TLL1: variants seen among roughly 807,000 people sequenced by gnomAD.
TLL1 encodes the protein tolloid-like protein 1.
Under a neutral mutation model 128.2 loss-of-function variants are expected in TLL1, and 49 were observed. The observed-to-expected ratio is 0.38, with a 90% CI of 0.30 to 0.48. TLL1 has a LOEUF of 0.48. TLL1 is among the 20% of genes least tolerant of loss of function. The pLI, the probability that TLL1 is intolerant of heterozygous loss-of-function variation, is 0.96. For synonymous variants in TLL1, 454 were observed against 418.8 expected (o/e 1.08, Z -1.03); for missense variants, 1,123 against 1,242.0 (o/e 0.90, Z 1.44).
chr4:166,062,367 ATTTG>A (rs1740357622), intron 15 of TLL1, among the ~76,000 whole-genome samples: 1 of 152,094 alleles, frequency 6.6e-6, no homozygotes, highest in Non-Finnish European at 1.5e-5. Context: ...ATGTTCTTCC[ATTTG>A]TTTGTGTCTT....
rs1742291167 is a variant in TLL1 at position 166,101,615 on chromosome 4, G to T, written c.*739G>T. On this transcript the variant is annotated 3_prime_UTR_variant, in exon 21 of 21. Transcript: ENST00000061240. ...AACGCCCAGTGAATTGGTAAACTTA[G>T]TTCTTTTTTTTGGAAGTGCTGCCTT... 1 of 152,474 alleles carries T rather than the reference G, an allele frequency of 6.6e-6. No homozygotes were observed. Among genetic ancestry groups the T allele is most frequent in the African/African-American group, 2.4e-5 (1 of 41,418 alleles). The allele number at this position is 152,474 out of a possible 1,614,324, so 9.4% of individuals were successfully genotyped here.
chr4:165,982,572 A>T (rs1736196619), intron 1 of TLL1, among the ~76,000 whole-genome samples: 1 of 151,714 alleles, frequency 6.6e-6, no homozygotes, highest in Admixed American at 6.6e-5. Flanking sequence ...GCCAAAAGGG[A>T]AGTCTTTTAC....
At chr4:166,037,675 G>T (rs998525204) in intron 9 of TLL1, among the ~76,000 whole-genome samples, 2 of 151,972 alleles carry the variant, frequency 1.3e-5, no homozygotes, top group African/African-American at 2.4e-5. Flanking sequence ...GGACGTGGTG[G>T]CGGGCACCTG....
At chr4:165,971,254 A>G (rs187867335) in intron 1 of TLL1, among the ~76,000 whole-genome samples, 52 of 152,296 alleles carry the variant, frequency 3.4e-4, no homozygotes, top group African/African-American at 1.1e-3. Flanking sequence ...TTAGCTAGTG[A>G]TATCACCCCC....
intron 16 of TLL1, among the ~76,000 whole-genome samples, chr4:166,067,288 T>A (rs1306857693): frequency 2.0e-5 from 3 of 151,896 alleles, no homozygotes; most frequent in African/African-American, 7.2e-5. Context: ...AAATACTGAC[T>A]ACAAAGTATG....
intron 1 of TLL1, among the ~76,000 whole-genome samples, chr4:165,901,337 T>C (rs968930106): frequency 2.6e-4 from 40 of 152,294 alleles, no homozygotes; most frequent in African/African-American, 9.6e-4. Flanking sequence ...GTTTTGGGAA[T>C]TTTCAACCTT....
chr4:165,912,210 C>T (rs1286609411), intron 1 of TLL1, among the ~76,000 whole-genome samples: 1 of 152,206 alleles, frequency 6.6e-6, no homozygotes, highest in East Asian at 1.9e-4. Context: ...GTTGGAAGCA[C>T]TGTTGCCTTG....
At chr4:166,031,363 C>CTTTTTTTTT (rs35799879) in intron 9 of TLL1, among the ~76,000 whole-genome samples, 5 of 102,270 alleles carry the variant, frequency 4.9e-5, no homozygotes, top group East Asian at 2.9e-4. Context: ...ATTGCAAGGT[C>CTTTTTTTTT]TTTTTTTTTT....
chr4:166,012,877 A>G lies in TLL1; in HGVS notation c.918-1559A>G, dbSNP rs556656405. 1.6e-3 allele frequency among the ~76,000 whole-genome samples: 238 copies of G among 151,882 alleles called. 1 individual carries two copies. The highest frequency in any genetic ancestry group is 9.7e-3 in the South Asian group (47 of 4,828). On this transcript the variant is annotated intron_variant, in intron 7 of 20. Transcript: ENST00000061240. ...CTCCCTATTTGAGTTAGTGTTATCT[A>G]TAGATCAGTGCCCTTTCCCTTACCT...
intron 1 of TLL1, among the ~76,000 whole-genome samples, chr4:165,971,834 G>T: frequency 6.6e-6 from 1 of 152,050 alleles, no homozygotes; most frequent in South Asian, 2.1e-4. Flanking sequence ...TCTCTTTTTG[G>T]AGGGGCTTGC....
chr4:166,042,852 A>G (rs973161046), intron 11 of TLL1, among the ~76,000 whole-genome samples: 2 of 152,174 alleles, frequency 1.3e-5, no homozygotes, highest in Non-Finnish European at 2.9e-5. Flanking sequence ...TGCGCACATG[A>G]CACTAACTCG....
chr4:166,013,221 C>T (rs1450254916), intron 7 of TLL1, among the ~76,000 whole-genome samples: 3 of 151,834 alleles, frequency 2.0e-5, no homozygotes, highest in Non-Finnish European at 4.4e-5. Flanking sequence ...TATCCATCTT[C>T]TCACCTTTAT....
intron 1 of TLL1, among the ~76,000 whole-genome samples, chr4:165,933,187 A>C (rs140402854): frequency 1.3e-3 from 193 of 152,256 alleles, no homozygotes; most frequent in Non-Finnish European, 2.2e-3. Context: ...CTCATTCTGC[A>C]TAATTGTTCA....
At chr4:166,072,250 AT>A (rs1422532522) in intron 16 of TLL1, among the ~76,000 whole-genome samples, 1 of 152,012 alleles carries the variant, frequency 6.6e-6, no homozygotes, top group Non-Finnish European at 1.5e-5. Flanking sequence ...GCTATATCAG[AT>A]GTGCGAATGA....
intron 1 of TLL1, among the ~76,000 whole-genome samples, chr4:165,950,710 T>C (rs1734470701): frequency 6.6e-6 from 1 of 152,108 alleles, no homozygotes; most frequent in African/African-American, 2.4e-5. Context: ...AGGAAATATT[T>C]TGAACTGAAA....
At chr4:165,937,076 A>G (rs1670495552) in intron 1 of TLL1, among the ~76,000 whole-genome samples, 1 of 152,142 alleles carries the variant, frequency 6.6e-6, no homozygotes, top group Admixed American at 6.5e-5. Flanking sequence ...ATCCAATATG[A>G]TTTATAAAAC....
At chr4:165,924,644 C>A (rs1390161518) in intron 1 of TLL1, among the ~76,000 whole-genome samples, 7 of 152,180 alleles carry the variant, frequency 4.6e-5, no homozygotes, top group African/African-American at 1.7e-4. Flanking sequence ...TTCAGAAAAT[C>A]TAGCTAAGAT....
intron 1 of TLL1, among the ~76,000 whole-genome samples, chr4:165,980,314 G>A (rs9992768): frequency 0.08 from 12,110 of 152,016 alleles, 1,585 homozygotes; most frequent in African/African-American, 0.27. Flanking sequence ...AGGAACATGG[G>A]CAAGACCAAG....
At chr4:165,950,055 A>C (rs1734435673) in intron 1 of TLL1, among the ~76,000 whole-genome samples, 2 of 152,126 alleles carry the variant, frequency 1.3e-5, no homozygotes, top group South Asian at 4.1e-4. Context: ...TATACTATTA[A>C]GTTAAAAATA....
Sources: gnomAD v4.1 joint callset for allele counts (sites outside exome capture counted in the v4.1 genomes callset) on GRCh38, gnomAD v4.1.1 for gene constraint, MANE v1.5 for transcripts, NCBI Gene and HGNC (gene_info 2026-07-23, HGNC 2026-07-21) for gene names.